MRPS18A: variants seen among roughly 807,000 people sequenced by gnomAD.
MRPS18A encodes mitochondrial ribosomal protein S18A, also known as large ribosomal subunit protein mL66.
MRPS18A carries 20 observed loss-of-function variants against 22.7 expected under a neutral mutation model. That is an observed-to-expected ratio of 0.88 (90% CI 0.62 to 1.28). MRPS18A has a LOEUF of 1.28. Among genes scored for constraint, MRPS18A ranks in the 50% most tolerant of loss-of-function variants. MRPS18A has a pLI of 0.00. For missense variants in MRPS18A, 294 were observed against 262.6 expected (o/e 1.12, Z -0.83); for synonymous variants, 106 against 99.1 (o/e 1.07, Z -0.41).
intron 3 of MRPS18A, among the ~76,000 whole-genome samples, chr6:43,677,694 A>T (rs1309494396): frequency 6.6e-6 from 1 of 152,092 alleles, no homozygotes; most frequent in Non-Finnish European, 1.5e-5. Context: ...GGGGGATCTG[A>T]GGCAAGTTCA....
At chr6:43,685,283 A>G (rs1400326224) in intron 1 of MRPS18A, among the ~76,000 whole-genome samples, 1 of 152,122 alleles carries the variant, frequency 6.6e-6, no homozygotes, top group African/African-American at 2.4e-5. Flanking sequence ...CACAATTTCT[A>G]TTTTCGTCCT....
At chr6:43,677,837 A>G (rs894480475) in intron 3 of MRPS18A, among the ~76,000 whole-genome samples, 1 of 152,014 alleles carries the variant, frequency 6.6e-6, no homozygotes, top group African/African-American at 2.4e-5. Flanking sequence ...GTATGCACTC[A>G]ATGTTAGCTG....
chr6:43,676,208 C>A (rs1774046200), intron 3 of MRPS18A, among the ~76,000 whole-genome samples: 1 of 152,192 alleles, frequency 6.6e-6, no homozygotes, highest in African/African-American at 2.4e-5. Flanking sequence ...CAAGAAGGGT[C>A]ACCAATCTTT....
chr6:43,675,385 A>G, intron 4 of MRPS18A, 109 bp downstream of exon 4: 1 of 1,600,748 alleles, frequency 6.2e-7, no homozygotes. Context: ...AGTATAATTA[A>G]CACTCCGGAT....
chr6:43,672,870 G>C (rs1227048087), intron 5 of MRPS18A, among the ~76,000 whole-genome samples: 1 of 152,164 alleles, frequency 6.6e-6, no homozygotes, highest in East Asian at 1.9e-4. Flanking sequence ...GGGAGTTGCT[G>C]GCCTGCACTC....
Position 43,671,880 on chromosome 6 carries a change from G to C in MRPS18A, c.473C>G (p.Ser158Cys). 1 of 1,612,986 alleles carries C rather than the reference G, an allele frequency of 6.2e-7. No individual in the cohort carries two copies. Among genetic ancestry groups the C allele is most frequent in the South Asian group, 1.1e-5 (1 of 90,964 alleles). ...GCCTTTTTTGTAGATGGGCTTGACGGAGCCAGGAGCCCAGCGCGTCAGGTA... is the reference window on the plus strand; with the variant it reads ...GCCTTTTTTGTAGATGGGCTTGACGCAGCCAGGAGCCCAGCGCGTCAGGTA... The part of the protein sequence containing the change: ...NRYLTRWAPG[S>C]VKPIYKKGPR... The change falls in exon 6 of 6, where the codon TCC (serine) becomes TGC (cysteine). Residue 158 changes from serine to cysteine, a missense_variant. Ser to Cys is a moderately radical substitution (Grantham distance 112). Coordinates refer to ENST00000372133, the MANE Select transcript of MRPS18A (RefSeq NM_018135.4).
intron 3 of MRPS18A, among the ~76,000 whole-genome samples, chr6:43,678,039 T>G (rs994274122): frequency 1.3e-5 from 2 of 152,078 alleles, no homozygotes; most frequent in African/African-American, 4.8e-5. Flanking sequence ...CATGATTCCA[T>G]CCCACAAGAG....
At chr6:43,684,315 A>C (rs954796659) in intron 1 of MRPS18A, among the ~76,000 whole-genome samples, 1 of 151,994 alleles carries the variant, frequency 6.6e-6, no homozygotes, top group Admixed American at 6.6e-5. Context: ...GCCCAAGCAG[A>C]GTAGGAAAGA....
intron 4 of MRPS18A, 106 bp downstream of exon 4, chr6:43,675,388 C>T (rs1251505334): frequency 9.4e-6 from 15 of 1,602,828 alleles, no homozygotes; most frequent in Non-Finnish European, 1.0e-5. Context: ...ATAATTAACA[C>T]TCCGGATATC....
chr6:43,684,396 T>C (rs1774577698), intron 1 of MRPS18A, among the ~76,000 whole-genome samples: 1 of 152,068 alleles, frequency 6.6e-6, no homozygotes, highest in Non-Finnish European at 1.5e-5. Flanking sequence ...GTGCCATGTT[T>C]GGGATGTGTG....
At chr6:43,686,830 G>A (rs1310382548) in intron 1 of MRPS18A, among the ~76,000 whole-genome samples, 2 of 152,148 alleles carry the variant, frequency 1.3e-5, no homozygotes, top group South Asian at 2.1e-4. Flanking sequence ...TTCACTCTCC[G>A]CCAGATTCCA....
chr6:43,672,981 GACTGC>G (rs1297727756), intron 5 of MRPS18A, among the ~76,000 whole-genome samples: 1 of 149,008 alleles, frequency 6.7e-6, no homozygotes, highest in Non-Finnish European at 1.5e-5. Flanking sequence ...TAGTTATAGG[GACTGC>G]TTTTTTTTTT....
chr6:43,679,017 A>G (rs1582410499), intron 2 of MRPS18A, among the ~76,000 whole-genome samples: 2 of 152,182 alleles, frequency 1.3e-5, no homozygotes, highest in African/African-American at 4.8e-5. Context: ...CACATGGTAA[A>G]AAGTTTTAAG....
chr6:43,678,250 T>C (rs1774170833), intron 3 of MRPS18A, among the ~76,000 whole-genome samples: 1 of 152,160 alleles, frequency 6.6e-6, no homozygotes. Context: ...ATGGGTCTTC[T>C]TCAGAGGGAG....
intron 1 of MRPS18A, among the ~76,000 whole-genome samples, chr6:43,682,260 C>A (rs1774463103): frequency 6.6e-6 from 1 of 152,204 alleles, no homozygotes; most frequent in Non-Finnish European, 1.5e-5. Flanking sequence ...GATCATGCCA[C>A]TGCATTCCAG....
intron 1 of MRPS18A, among the ~76,000 whole-genome samples, chr6:43,685,406 G>A (rs1038851636): frequency 6.6e-6 from 1 of 152,128 alleles, no homozygotes; most frequent in Non-Finnish European, 1.5e-5. Context: ...TGGGCCAGAT[G>A]GTTCTTTGTT....
chr6:43,678,114 A>G (rs1285699019), intron 3 of MRPS18A, among the ~76,000 whole-genome samples: 1 of 152,088 alleles, frequency 6.6e-6, no homozygotes, highest in African/African-American at 2.4e-5. Flanking sequence ...CACAAACTCA[A>G]TCAGTGGCTC....
intron 3 of MRPS18A, among the ~76,000 whole-genome samples, chr6:43,678,165 A>G (rs1189733158): frequency 6.6e-6 from 1 of 152,098 alleles, no homozygotes; most frequent in African/African-American, 2.4e-5. Context: ...AGAGCATTGA[A>G]AAAATGCTCA....
intron 5 of MRPS18A, chr6:43,672,532 C>A: frequency 2.3e-6 from 1 of 431,542 alleles, no homozygotes; most frequent in South Asian, 1.6e-5. Context: ...TGATAGTTCC[C>A]AGAAAAGTGG....
Sources: allele counts gnomAD v4.1 joint callset (sites outside exome capture counted in the v4.1 genomes callset), GRCh38; gene constraint gnomAD v4.1.1; transcripts MANE v1.5; gene names NCBI Gene and HGNC (gene_info 2026-07-23, HGNC 2026-07-21).